Variants in CLDN16 observed in about 807,000 individuals in gnomAD.
The protein encoded by CLDN16 is claudin-16.
A neutral mutation model predicts 24.6 loss-of-function variants in CLDN16; 13 were observed. The ratio of observed to expected loss-of-function variants is 0.53; its 90% CI spans 0.34 to 0.84. The LOEUF is 0.84. Among genes scored for constraint, CLDN16 ranks in the 40% least tolerant of loss-of-function variants. CLDN16 has a pLI of 0.01. For missense variants in CLDN16, 298 were observed against 292.7 expected (o/e 1.02, Z -0.13); for synonymous variants, 116 against 106.7 (o/e 1.09, Z -0.54).
upstream of CLDN16, chr3:190,388,132 A>G (rs758074559): frequency 2.0e-5 from 33 of 1,613,760 alleles, no homozygotes; most frequent in Non-Finnish European, 2.4e-5. Context: ...GACCTCCAGG[A>G]CCCCACTGTT....
At chr3:190,404,641 T>A in intron 2 of CLDN16, 121 bp from the exon 3 acceptor site, 1 of 921,386 alleles carries the variant, frequency 1.1e-6, no homozygotes, top group Non-Finnish European at 1.8e-6. Flanking sequence ...ATACAAAGTC[T>A]GACTTTTACC....
chr3:190,409,663 C>T (rs1719222182), intron 4 of CLDN16, among the ~76,000 whole-genome samples: 1 of 151,586 alleles, frequency 6.6e-6, no homozygotes, highest in Admixed American at 6.6e-5. Flanking sequence ...AAGGGAATAC[C>T]TCTCCTGATG....
intron 1 of CLDN16, among the ~76,000 whole-genome samples, chr3:190,357,931 C>T (rs1481864841): frequency 6.6e-6 from 1 of 151,786 alleles, no homozygotes; most frequent in African/African-American, 2.4e-5. Flanking sequence ...TTGTAAATTC[C>T]TTCACAGGAG....
intron 1 of CLDN16, among the ~76,000 whole-genome samples, chr3:190,346,267 GA>G (rs369567402): frequency 6.6e-5 from 10 of 150,640 alleles, no homozygotes; most frequent in Middle Eastern, 3.4e-3. Context: ...CTTAGGGAAG[GA>G]AAAAAAAACT....
chr3:190,315,706 G>C, the CLDN16 span, among the ~76,000 whole-genome samples: 1 of 151,770 alleles, frequency 6.6e-6, no homozygotes, highest in Non-Finnish European at 1.5e-5. Flanking sequence ...TTTTCTCTTT[G>C]TTCAAGTTGT....
At chr3:190,292,471 G>A in the CLDN16 span, among the ~76,000 whole-genome samples, 2 of 152,190 alleles carry the variant, frequency 1.3e-5, no homozygotes, top group Admixed American at 1.3e-4. Flanking sequence ...ATGATGGAAA[G>A]GGCTGCCTCA....
the CLDN16 span, among the ~76,000 whole-genome samples, chr3:190,299,771 C>G: frequency 2.0e-5 from 3 of 152,192 alleles, no homozygotes; most frequent in African/African-American, 7.2e-5. Context: ...TTCTATCCCA[C>G]TATTCAGTTT....
upstream of CLDN16, chr3:190,322,080 C>T: frequency 6.2e-7 from 1 of 1,614,204 alleles, no homozygotes; most frequent in Non-Finnish European, 8.5e-7. Flanking sequence ...ATGGCCTGGG[C>T]GGTCACGATG....
At chr3:190,405,592 A>G (rs1203409352) in intron 3 of CLDN16, among the ~76,000 whole-genome samples, 2 of 152,136 alleles carry the variant, frequency 1.3e-5, no homozygotes, top group African/African-American at 4.8e-5. Context: ...CTCCTTACCT[A>G]TACCCACCAC....
chr3:190,392,640 G>T (rs1209493345), intron 1 of CLDN16, among the ~76,000 whole-genome samples: 1 of 152,172 alleles, frequency 6.6e-6, no homozygotes, highest in Non-Finnish European at 1.5e-5. Context: ...CTACCCAAAA[G>T]AAGAGATATC....
At chr3:190,407,688 G>C (rs1683250349) in intron 3 of CLDN16, among the ~76,000 whole-genome samples, 2 of 152,070 alleles carry the variant, frequency 1.3e-5, no homozygotes, top group Non-Finnish European at 2.9e-5. Flanking sequence ...ACATTTCTTG[G>C]TCCATTCTTA....
At chr3:190,397,260 T>C (rs1718843155) in intron 1 of CLDN16, among the ~76,000 whole-genome samples, 1 of 152,226 alleles carries the variant, frequency 6.6e-6, no homozygotes, top group Non-Finnish European at 1.5e-5. Flanking sequence ...TTGGGAACAA[T>C]AGATATTCAT....
intron 2 of CLDN16, among the ~76,000 whole-genome samples, chr3:190,403,923 T>TA (rs553361852): frequency 1.3e-5 from 2 of 152,128 alleles, no homozygotes; most frequent in Admixed American, 6.5e-5. Context: ...AATGAAAAAT[T>TA]AAAAAAAATT....
chr3:190,394,500 T>TATTATATCCAGCATGCCCGTTG (rs1718765222), intron 1 of CLDN16, among the ~76,000 whole-genome samples: 1 of 152,180 alleles, frequency 6.6e-6, no homozygotes, highest in Non-Finnish European at 1.5e-5. Flanking sequence ...ATATTAAAAT[T>TATTATATCCAGCATGCCCGTTG]ATTATATCCA....
Position 190,410,061 on chromosome 3 carries a change from C to T in CLDN16, c.*25C>T, listed in dbSNP as rs993342773. On this transcript the variant is annotated 3_prime_UTR_variant, in exon 5 of 5. Coordinates refer to ENST00000264734, the MANE Select transcript of CLDN16 (RefSeq NM_006580.4). ...AAATGCACGTTTCAGGGTGTGTTTGCATATGATTTAATCAATCAGTATGGT... is the reference window on the plus strand; with the variant it reads ...AAATGCACGTTTCAGGGTGTGTTTGTATATGATTTAATCAATCAGTATGGT... 1.2e-6 allele frequency: 2 copies of T among 1,613,442 alleles called. No homozygotes were observed. The highest frequency in any genetic ancestry group is 1.7e-6 in the Non-Finnish European group (2 of 1,179,454).
At chr3:190,348,112 T>C (rs796921878) in intron 1 of CLDN16, among the ~76,000 whole-genome samples, 47 of 146,938 alleles carry the variant, frequency 3.2e-4, no homozygotes, top group African/African-American at 1.1e-3. Flanking sequence ...AAAAATTAGC[T>C]GGCACGGTGG....
chr3:190,401,314 C>A (rs1718956278), intron 1 of CLDN16, among the ~76,000 whole-genome samples: 2 of 67,466 alleles, frequency 3.0e-5, no homozygotes, highest in Non-Finnish European at 5.6e-5. Context: ...TAACCCCCTC[C>A]TTTGCATTCC....
At chr3:190,308,636 A>C in the CLDN16 span, among the ~76,000 whole-genome samples, 1 of 152,192 alleles carries the variant, frequency 6.6e-6, no homozygotes, top group South Asian at 2.1e-4. Flanking sequence ...ACAATTTGCA[A>C]TAGTAGATCA....
chr3:190,386,839 AAAAC>A (rs1411370753), upstream of CLDN16, among the ~76,000 whole-genome samples: 1 of 152,240 alleles, frequency 6.6e-6, no homozygotes, highest in Non-Finnish European at 1.5e-5. Context: ...AAAATTAGAA[AAAAC>A]AAAGTTTAGC....
Sources: allele counts gnomAD v4.1 joint callset (sites outside exome capture counted in the v4.1 genomes callset), GRCh38; gene constraint gnomAD v4.1.1; transcripts MANE v1.5; gene names NCBI Gene and HGNC (gene_info 2026-07-23, HGNC 2026-07-21).